Variants in DNAJC15 observed in about 807,000 individuals in gnomAD.
DNAJC15 encodes dnaJ homolog subfamily C member 15.
DNAJC15 carries 27 observed loss-of-function variants against 22.4 expected under a neutral mutation model. The observed-to-expected ratio is 1.20, with a 90% CI of 0.89 to 1.66. The LOEUF (loss-of-function observed/expected upper bound fraction) is 1.66. DNAJC15 is among the 40% of genes most tolerant of loss of function. DNAJC15 has a pLI of 0.00. For synonymous variants in DNAJC15, 79 were observed against 63.2 expected, an observed-to-expected ratio of 1.25 and a Z score of -1.19; for missense variants, 208 against 187.1, an observed-to-expected ratio of 1.11 and a Z score of -0.65.
intron 1 of DNAJC15, among the ~76,000 whole-genome samples, chr13:43,031,674 A>ATC: frequency 6.6e-6 from 1 of 152,242 alleles, no homozygotes; most frequent in Non-Finnish European, 1.5e-5. Flanking sequence ...GATCCTGCTA[A>ATC]TATTATAACC....
At chr13:43,047,928 A>G (rs968629149) in intron 1 of DNAJC15, among the ~76,000 whole-genome samples, 3 of 152,154 alleles carry the variant, frequency 2.0e-5, no homozygotes, top group African/African-American at 7.2e-5. Context: ...TAATGATGCT[A>G]TTTAGTGAGA....
intron 5 of DNAJC15, among the ~76,000 whole-genome samples, chr13:43,104,894 G>C (rs1237127104): frequency 6.6e-6 from 1 of 151,136 alleles, no homozygotes; most frequent in Non-Finnish European, 1.5e-5. Context: ...TTATTATGTT[G>C]CCCAGGCTGG....
chr13:43,111,789 T>A lies in DNAJC15; in HGVS notation c.*4541T>A, dbSNP rs1364297925. On this transcript the variant is annotated 3_prime_UTR_variant, in exon 6 of 6. Coordinates refer to ENST00000379221, the MANE Select transcript of DNAJC15 (RefSeq NM_013238.3). The stretch of plus-strand genomic sequence containing the variant: ...GCAAGGAGGATTTGATGGGAATGAG[T>A]AAATGTGTCAGCATAGTCCGTCCCT... 6.6e-6 allele frequency: 1 copy of A among 152,160 alleles called. No individual in the cohort carries two copies. Among genetic ancestry groups the A allele is most frequent in the African/African-American group, 2.4e-5 (1 of 41,414 alleles). 9.4% of individuals were successfully genotyped at this position (152,160 alleles called of 1,614,324 possible).
chr13:43,061,863 A>C (rs375334342), intron 1 of DNAJC15, among the ~76,000 whole-genome samples: 22 of 152,360 alleles, frequency 1.4e-4, no homozygotes, highest in African/African-American at 4.1e-4. Context: ...GATAAAAAGC[A>C]AGATCTTTAG....
intron 1 of DNAJC15, among the ~76,000 whole-genome samples, chr13:43,034,054 T>C (rs999003011): frequency 6.6e-6 from 1 of 150,408 alleles, no homozygotes; most frequent in Admixed American, 6.6e-5. Context: ...AGAAAATGAC[T>C]TGCCAGTTTC....
chr13:43,092,487 C>CAT (rs1290011744), intron 5 of DNAJC15, among the ~76,000 whole-genome samples: 1 of 145,472 alleles, frequency 6.9e-6, no homozygotes, highest in African/African-American at 2.5e-5. Context: ...TGAATATATA[C>CAT]ATATACACAC....
At chr13:43,061,411 C>A (rs756162674) in intron 1 of DNAJC15, among the ~76,000 whole-genome samples, 28 of 152,084 alleles carry the variant, frequency 1.8e-4, no homozygotes, top group Non-Finnish European at 3.8e-4. Context: ...GCTACCTTGT[C>A]AGCATAAGCG....
chr13:43,025,372 T>C (rs1299616833), intron 1 of DNAJC15, among the ~76,000 whole-genome samples: 1 of 151,222 alleles, frequency 6.6e-6, no homozygotes, highest in Non-Finnish European at 1.5e-5. Flanking sequence ...TAGGTATTTT[T>C]ACTTGGAAGA....
intron 5 of DNAJC15, among the ~76,000 whole-genome samples, chr13:43,104,297 T>C (rs944222193): frequency 6.6e-6 from 1 of 152,208 alleles, no homozygotes; most frequent in African/African-American, 2.4e-5. Flanking sequence ...ATATCTGGAA[T>C]AGTATTATAT....
intron 1 of DNAJC15, among the ~76,000 whole-genome samples, chr13:43,052,063 C>T (rs2040506872): frequency 6.6e-6 from 1 of 151,944 alleles, no homozygotes; most frequent in Admixed American, 6.6e-5. Context: ...CTGCTTGGTT[C>T]AAGCGATTCT....
chr13:43,052,711 T>C (rs765331582), intron 1 of DNAJC15, among the ~76,000 whole-genome samples: 2 of 152,158 alleles, frequency 1.3e-5, no homozygotes, highest in South Asian at 4.1e-4. Context: ...GACACTGTGC[T>C]CGGCCATTAG....
chr13:43,078,863 A>AAAAAC (rs563804545), intron 4 of DNAJC15, 175 bp downstream of exon 4: 21 of 459,054 alleles, frequency 4.6e-5, no homozygotes, highest in African/African-American at 9.9e-5. Context: ...ACTCCCCTAA[A>AAAAAC]AAAACAAAAC....
intron 5 of DNAJC15, among the ~76,000 whole-genome samples, chr13:43,086,741 C>T (rs573257163): frequency 6.6e-6 from 1 of 152,282 alleles, no homozygotes; most frequent in South Asian, 2.1e-4. Context: ...GATTTCTAAA[C>T]AGTTTCAACA....
chr13:43,044,020 C>T (rs954728633), intron 1 of DNAJC15, among the ~76,000 whole-genome samples: 1 of 151,846 alleles, frequency 6.6e-6, no homozygotes, highest in Non-Finnish European at 1.5e-5. Context: ...TTGTGTCTGA[C>T]ACTTTTTCTT....
At chr13:43,024,343 T>TTTG in intron 1 of DNAJC15, among the ~76,000 whole-genome samples, 1 of 72,408 alleles carries the variant, frequency 1.4e-5, no homozygotes, top group East Asian at 3.4e-4. Flanking sequence ...TTACGTTTTT[T>TTTG]TTTTTTTTTT....
intron 3 of DNAJC15, among the ~76,000 whole-genome samples, chr13:43,074,211 T>C (rs952252450): frequency 3.9e-5 from 6 of 152,310 alleles, no homozygotes; most frequent in African/African-American, 1.4e-4. Flanking sequence ...GGAGGACTTT[T>C]GTGTTTCAGG....
chr13:43,046,877 CACATTGCCG>C (rs1228600068), intron 1 of DNAJC15, among the ~76,000 whole-genome samples: 2,213 of 152,298 alleles, frequency 0.015, 56 homozygotes, highest in African/African-American at 0.048. Context: ...CAGTGAGGTG[CACATTGCCG>C]CACCTGATCA....
At chr13:43,061,323 T>A (rs188483946) in intron 1 of DNAJC15, among the ~76,000 whole-genome samples, 11 of 152,322 alleles carry the variant, frequency 7.2e-5, no homozygotes, top group African/African-American at 2.6e-4. Flanking sequence ...GAACGCTAGC[T>A]GCTTTTTTAG....
At chr13:43,032,717 C>T (rs1364672297) in intron 1 of DNAJC15, among the ~76,000 whole-genome samples, 3 of 152,016 alleles carry the variant, frequency 2.0e-5, no homozygotes, top group Non-Finnish European at 2.9e-5. Context: ...CCCAGCTACT[C>T]GGGAGGCTGA....
Sources: allele counts gnomAD v4.1 joint callset (sites outside exome capture counted in the v4.1 genomes callset), GRCh38; gene constraint gnomAD v4.1.1; transcripts MANE v1.5; gene names NCBI Gene and HGNC (gene_info 2026-07-23, HGNC 2026-07-21).